The following TTC27 variants were observed in gnomAD, a reference collection of about 807,000 sequenced individuals.
TTC27 encodes the protein tetratricopeptide repeat protein 27.
In TTC27, 79 loss-of-function variants were observed where a neutral mutation model predicts 115.9. That is an observed-to-expected ratio of 0.68 (90% CI 0.57 to 0.82). The LOEUF (loss-of-function observed/expected upper bound fraction) is 0.82. Among genes scored for constraint, TTC27 ranks in the 40% least tolerant of loss-of-function variants. TTC27 has a pLI of 0.00. For missense variants in TTC27, 1,054 were observed against 993.1 expected (o/e 1.06, Z -0.82); for synonymous variants, 401 against 356.0 (o/e 1.13, Z -1.42).
chr2:32,760,876 C>G (rs886185022), intron 13 of TTC27, among the ~76,000 whole-genome samples: 28 of 152,316 alleles, frequency 1.8e-4, no homozygotes, highest in African/African-American at 6.5e-4. Flanking sequence ...TTCTGCCTCG[C>G]TGGCAGCTCC....
chr2:32,630,755 A>G (rs1664156854), intron 2 of TTC27, 55 bp downstream of exon 2: 2 of 1,506,196 alleles, frequency 1.3e-6, no homozygotes, highest in Admixed American at 4.2e-5. Flanking sequence ...ATTTAATAGC[A>G]CCTTGACAGG....
At chr2:32,730,574 A>G (rs994008692) in intron 10 of TTC27, among the ~76,000 whole-genome samples, 1 of 151,640 alleles carries the variant, frequency 6.6e-6, no homozygotes, top group African/African-American at 2.4e-5. Context: ...CTTTGGATCC[A>G]GTAGAGGAAG....
At chr2:32,737,669 T>C (rs1668491893) in intron 12 of TTC27, among the ~76,000 whole-genome samples, 1 of 152,136 alleles carries the variant, frequency 6.6e-6, no homozygotes, top group African/African-American at 2.4e-5. Flanking sequence ...TGAATTGTAT[T>C]GACTTAAGGA....
At chr2:32,710,832 G>T (rs1667550537) in intron 10 of TTC27, among the ~76,000 whole-genome samples, 2 of 151,924 alleles carry the variant, frequency 1.3e-5, no homozygotes, top group African/African-American at 4.8e-5. Context: ...TTTAAAAGAA[G>T]GCTGGGAGCA....
chr2:32,816,574 T>G (rs1042765134), intron 18 of TTC27, among the ~76,000 whole-genome samples: 1 of 152,194 alleles, frequency 6.6e-6, no homozygotes, highest in Non-Finnish European at 1.5e-5. Context: ...AACGATGCCT[T>G]CTTCGTAGTT....
intron 5 of TTC27, among the ~76,000 whole-genome samples, chr2:32,655,084 G>A (rs776868528): frequency 9.2e-5 from 14 of 151,496 alleles, no homozygotes; most frequent in Admixed American, 5.3e-4. Context: ...TGCCTCCTGC[G>A]TTCAAGTGAT....
intron 16 of TTC27, among the ~76,000 whole-genome samples, chr2:32,787,829 T>TAAAC (rs1296521328): frequency 3.3e-5 from 5 of 151,874 alleles, no homozygotes; most frequent in African/African-American, 4.8e-5. Flanking sequence ...AATAAATAAA[T>TAAAC]AAACAAAACT....
intron 13 of TTC27, among the ~76,000 whole-genome samples, chr2:32,775,319 TC>T (rs1374687912): frequency 6.6e-6 from 1 of 152,182 alleles, no homozygotes; most frequent in Non-Finnish European, 1.5e-5. Flanking sequence ...TGCCTCAGCC[TC>T]CCGAGTACCT....
At chr2:32,715,182 C>A (rs1667712924) in intron 10 of TTC27, among the ~76,000 whole-genome samples, 1 of 152,170 alleles carries the variant, frequency 6.6e-6, no homozygotes, top group Admixed American at 6.5e-5. Flanking sequence ...TCTAGGTTAT[C>A]TTCCAGGGAT....
chr2:32,679,577 T>C (rs1666345410), intron 9 of TTC27, among the ~76,000 whole-genome samples: 1 of 152,250 alleles, frequency 6.6e-6, no homozygotes, highest in Non-Finnish European at 1.5e-5. Flanking sequence ...GCTTAAGATA[T>C]ATCATTTTTT....
intron 5 of TTC27, among the ~76,000 whole-genome samples, chr2:32,652,955 C>G (rs1665185542): frequency 6.6e-6 from 1 of 152,008 alleles, no homozygotes; most frequent in East Asian, 1.9e-4. Context: ...GGAATGGAGT[C>G]TATCAAAATG....
At chr2:32,809,748 C>T (rs530526393) in intron 16 of TTC27, among the ~76,000 whole-genome samples, 1 of 152,290 alleles carries the variant, frequency 6.6e-6, no homozygotes, top group African/African-American at 2.4e-5. Flanking sequence ...CTGGTGCAGA[C>T]TGCAGTTTAA....
chr2:32,759,823 G>A (rs779286574), intron 13 of TTC27, among the ~76,000 whole-genome samples: 52 of 152,302 alleles, frequency 3.4e-4, no homozygotes, highest in Non-Finnish European at 5.3e-4. Context: ...TAGGTAACTT[G>A]TAAAAGTGGA....
At chr2:32,687,881 A>G (rs570815659) in intron 9 of TTC27, among the ~76,000 whole-genome samples, 17 of 152,342 alleles carry the variant, frequency 1.1e-4, no homozygotes, top group Middle Eastern at 6.8e-3. Context: ...CCCCTCTGTC[A>G]GCAATTGTTA....
At chr2:32,727,575 C>T (rs921330498) in intron 10 of TTC27, among the ~76,000 whole-genome samples, 3 of 152,120 alleles carry the variant, frequency 2.0e-5, no homozygotes, top group African/African-American at 7.2e-5. Context: ...GTTCAATTAC[C>T]TATCTGTGTG....
chr2:32,803,592 T>C (rs965411071), intron 16 of TTC27, among the ~76,000 whole-genome samples: 10 of 152,206 alleles, frequency 6.6e-5, no homozygotes, highest in African/African-American at 2.2e-4. Context: ...CTTTCTCTTT[T>C]TTCAAGCAAG....
At chr2:32,634,398 C>T (rs960269869) in intron 3 of TTC27, among the ~76,000 whole-genome samples, 7 of 151,240 alleles carry the variant, frequency 4.6e-5, no homozygotes, top group South Asian at 4.2e-4. Flanking sequence ...CAGGCTCAGG[C>T]GATCTTCCCA....
intron 9 of TTC27, among the ~76,000 whole-genome samples, chr2:32,685,178 C>T (rs1351723563): frequency 2.0e-5 from 3 of 151,888 alleles, no homozygotes; most frequent in Non-Finnish European, 2.9e-5. Context: ...TACAGGCACG[C>T]ACCACCATGC....
At chr2:32,651,815 G>T (rs934817009) in intron 5 of TTC27, among the ~76,000 whole-genome samples, 1 of 152,136 alleles carries the variant, frequency 6.6e-6, no homozygotes. Flanking sequence ...TAGATAAAAT[G>T]ACCATCTATA....
Sources: allele counts gnomAD v4.1 joint callset (sites outside exome capture counted in the v4.1 genomes callset), GRCh38; gene constraint gnomAD v4.1.1; transcripts MANE v1.5; gene names NCBI Gene and HGNC (gene_info 2026-07-23, HGNC 2026-07-21).